The following THRB variants were observed in gnomAD, a reference collection of about 807,000 sequenced individuals.
THRB encodes nuclear receptor subfamily 1 group A member 2.
THRB carries 12 observed loss-of-function variants against 47.8 expected under a neutral mutation model. The ratio of observed to expected loss-of-function variants is 0.25; its 90% CI spans 0.16 to 0.41. The LOEUF (loss-of-function observed/expected upper bound fraction) is 0.41. Among genes scored for constraint, THRB ranks in the 10% least tolerant of loss-of-function variants. THRB has a pLI of 1.00. For synonymous variants in THRB, 218 were observed against 212.2 expected, an observed-to-expected ratio of 1.03 and a Z score of -0.24; for missense variants, 348 against 589.2, an observed-to-expected ratio of 0.59 and a Z score of 4.24.
intron 3 of THRB, among the ~76,000 whole-genome samples, chr3:24,247,173 A>G (rs1213646373): frequency 6.6e-6 from 1 of 152,244 alleles, no homozygotes. Context: ...GAGTACAGAA[A>G]AAAGAAAATA....
intron 5 of THRB, among the ~76,000 whole-genome samples, chr3:24,176,122 AAT>A (rs143877499): frequency 0.029 from 4,406 of 152,208 alleles, 85 homozygotes; most frequent in South Asian, 0.056. Flanking sequence ...TATTATAGTC[AAT>A]ATGTTTCCTT....
chr3:24,380,042 T>C (rs889979135), intron 1 of THRB, among the ~76,000 whole-genome samples: 3 of 151,106 alleles, frequency 2.0e-5, no homozygotes, highest in Non-Finnish European at 2.9e-5. Context: ...CTTATGATGT[T>C]CTTATAAATA....
chr3:24,221,084 A>G (rs1338146911), intron 4 of THRB, among the ~76,000 whole-genome samples: 1 of 152,234 alleles, frequency 6.6e-6, no homozygotes, highest in Admixed American at 6.5e-5. Context: ...GCCAGATTCC[A>G]GAGCGAGAAT....
At chr3:24,236,361 T>C (rs2048877778) in intron 3 of THRB, among the ~76,000 whole-genome samples, 1 of 152,132 alleles carries the variant, frequency 6.6e-6, no homozygotes, top group Non-Finnish European at 1.5e-5. Flanking sequence ...TCCTGCCCTC[T>C]CAGGATTATG....
intron 1 of THRB, among the ~76,000 whole-genome samples, chr3:24,444,915 A>C: frequency 6.6e-6 from 1 of 152,182 alleles, no homozygotes; most frequent in East Asian, 1.9e-4. Flanking sequence ...ATTAATTCCA[A>C]TACTCACCTT....
chr3:24,203,548 G>T (rs1416211506), intron 4 of THRB, among the ~76,000 whole-genome samples: 1 of 152,186 alleles, frequency 6.6e-6, no homozygotes. Context: ...GGCTGAATAG[G>T]AACAGCTCCA....
intron 1 of THRB, among the ~76,000 whole-genome samples, chr3:24,370,485 G>C (rs905881288): frequency 6.6e-6 from 1 of 152,116 alleles, no homozygotes; most frequent in Non-Finnish European, 1.5e-5. Context: ...GTGTGCACAT[G>C]AGTGTGCACA....
At chr3:24,255,775 C>T (rs555941916) in intron 3 of THRB, among the ~76,000 whole-genome samples, 10 of 152,248 alleles carry the variant, frequency 6.6e-5, no homozygotes, top group Middle Eastern at 3.4e-3. Flanking sequence ...GGAGACTGGC[C>T]GGGCAGGGCC....
intron 2 of THRB, among the ~76,000 whole-genome samples, chr3:24,325,733 T>C (rs554000225): frequency 6.6e-6 from 1 of 152,206 alleles, no homozygotes; most frequent in Non-Finnish European, 1.5e-5. Context: ...ATGATCAGTC[T>C]AAATATAACA....
At chr3:24,318,669 A>G (rs1013556488) in intron 2 of THRB, among the ~76,000 whole-genome samples, 4 of 152,208 alleles carry the variant, frequency 2.6e-5, no homozygotes, top group South Asian at 2.1e-4. Flanking sequence ...TATGTGCCCA[A>G]TAAATGCTCA....
At chr3:24,228,822 T>G in intron 4 of THRB, 116 bp downstream of exon 4, 1 of 939,152 alleles carries the variant, frequency 1.1e-6, no homozygotes, top group Non-Finnish European at 1.7e-6. Context: ...TAACACTTAT[T>G]GGTTTGGAAA....
At chr3:24,226,654 C>T (rs77566039) in intron 4 of THRB, among the ~76,000 whole-genome samples, 9,765 of 152,188 alleles carry the variant, frequency 0.064, 355 homozygotes, top group South Asian at 0.097. Flanking sequence ...GGCCTAGATT[C>T]CTAGCTCAGC....
chr3:24,422,908 C>T (rs1326607853), intron 1 of THRB, among the ~76,000 whole-genome samples: 2 of 151,840 alleles, frequency 1.3e-5, no homozygotes, highest in Non-Finnish European at 2.9e-5. Context: ...CTTTGACCAA[C>T]AGAATGTGGA....
chr3:24,346,275 A>G (rs1198405415), intron 1 of THRB, among the ~76,000 whole-genome samples: 1 of 152,116 alleles, frequency 6.6e-6, no homozygotes, highest in Non-Finnish European at 1.5e-5. Flanking sequence ...TATATTATAT[A>G]CTAATAAATT....
chr3:24,329,290 T>C (rs1229950688), intron 2 of THRB, among the ~76,000 whole-genome samples: 2 of 152,228 alleles, frequency 1.3e-5, no homozygotes, highest in Non-Finnish European at 2.9e-5. Flanking sequence ...TCTTACAAAT[T>C]ACATTTCATG....
intron 1 of THRB, among the ~76,000 whole-genome samples, chr3:24,351,347 T>C (rs906234277): frequency 6.6e-6 from 1 of 152,146 alleles, no homozygotes; most frequent in Admixed American, 6.6e-5. Context: ...CCCTCCGATA[T>C]TCTGTTCTTG....
At chr3:24,251,460 A>G (rs2050662336) in intron 3 of THRB, among the ~76,000 whole-genome samples, 1 of 152,110 alleles carries the variant, frequency 6.6e-6, no homozygotes, top group Non-Finnish European at 1.5e-5. Flanking sequence ...CCTAGTGGAG[A>G]AAAAAAGGGA....
intron 1 of THRB, among the ~76,000 whole-genome samples, chr3:24,489,542 G>A (rs1327636517): frequency 6.6e-6 from 1 of 152,150 alleles, no homozygotes; most frequent in Non-Finnish European, 1.5e-5. Context: ...ATGGTTCTCA[G>A]GACAGTCAAG....
At chr3:24,127,071 A>C (rs1340449819) in intron 10 of THRB, among the ~76,000 whole-genome samples, 1 of 152,238 alleles carries the variant, frequency 6.6e-6, no homozygotes, top group Non-Finnish European at 1.5e-5. Context: ...ACAGATAACT[A>C]AAACTTCAGT....
Sources: allele counts gnomAD v4.1 joint callset (sites outside exome capture counted in the v4.1 genomes callset), GRCh38; gene constraint gnomAD v4.1.1; transcripts MANE v1.5; gene names NCBI Gene and HGNC (gene_info 2026-07-23, HGNC 2026-07-21).